The following CSMD1 variants were observed in gnomAD, a reference collection of about 807,000 sequenced individuals.
CSMD1 encodes CUB and Sushi multiple domains 1, also known as CUB and sushi domain-containing protein 1.
In CSMD1, 213 loss-of-function variants were observed where a neutral mutation model predicts 417.5. The observed-to-expected ratio is 0.51, with a 90% confidence interval of 0.46 to 0.57. CSMD1 has a LOEUF of 0.57. Among genes scored for constraint, CSMD1 ranks in the 20% least tolerant of loss-of-function variants. The pLI is 0.00. For missense variants in CSMD1, 6,923 were observed against 4,529.7 expected, an observed-to-expected ratio of 1.53 and a Z score of -15.17; for synonymous variants, 2,862 against 1,736.8, an observed-to-expected ratio of 1.65 and a Z score of -16.11.
At chr8:4,725,552 T>C (rs1380705919) in intron 1 of CSMD1, among the ~76,000 whole-genome samples, 1 of 152,206 alleles carries the variant, frequency 6.6e-6, no homozygotes, top group Admixed American at 6.6e-5. Flanking sequence ...AGGATATTTC[T>C]AGTTTTGAGA....
intron 3 of CSMD1, among the ~76,000 whole-genome samples, chr8:4,268,999 C>G (rs543629451): frequency 9.2e-5 from 14 of 152,116 alleles, no homozygotes; most frequent in Non-Finnish European, 2.1e-4. Context: ...TCTTAATTTC[C>G]TGATTGCAAA....
rs1458407936 is a variant in CSMD1 at position 4,822,713 on chromosome 8, G to C, written c.85+171619C>G. Reference sequence around the variant, plus strand: ...ATATACAATGTTGTCTCTCCTATATGTAAGCTTTCATAAGAATGATTCACT... The same window carrying C: ...ATATACAATGTTGTCTCTCCTATATCTAAGCTTTCATAAGAATGATTCACT... On this transcript the variant is annotated intron_variant, in intron 1 of 69. Coordinates refer to ENST00000635120, the MANE Select transcript of CSMD1 (RefSeq NM_033225.6). Among the ~76,000 whole-genome samples, 4 of 152,130 alleles carry C rather than the reference G, an allele frequency of 2.6e-5. No homozygotes were observed. The South Asian group carries it at 6.2e-4, about 24-fold the overall frequency.
At chr8:3,351,794 TATAC>T (rs970135635) in intron 21 of CSMD1, among the ~76,000 whole-genome samples, 47 of 149,738 alleles carry the variant, frequency 3.1e-4, no homozygotes, top group Admixed American at 1.5e-3. Context: ...ACATGTATAA[TATAC>T]ATACAATGTG....
intron 3 of CSMD1, among the ~76,000 whole-genome samples, chr8:4,247,344 G>A (rs1380278866): frequency 6.6e-6 from 1 of 152,126 alleles, no homozygotes; most frequent in Non-Finnish European, 1.5e-5. Flanking sequence ...ATAGAGTGCT[G>A]CTGGGTGTGG....
At chr8:4,976,004 T>C (rs1235962170) in intron 1 of CSMD1, among the ~76,000 whole-genome samples, 1 of 152,174 alleles carries the variant, frequency 6.6e-6, no homozygotes, top group Non-Finnish European at 1.5e-5. Context: ...ACTCAACCCT[T>C]TCTGGTTTGG....
chr8:3,322,069 A>G (rs189542508), intron 23 of CSMD1, among the ~76,000 whole-genome samples: 1 of 152,322 alleles, frequency 6.6e-6, no homozygotes, highest in Admixed American at 6.5e-5. Context: ...TCCATGGATT[A>G]TTTTACATAA....
intron 7 of CSMD1, among the ~76,000 whole-genome samples, chr8:3,641,905 A>G (rs1340821662): frequency 6.6e-6 from 1 of 152,226 alleles, no homozygotes; most frequent in Non-Finnish European, 1.5e-5. Context: ...ATGTGTGGAA[A>G]CTAATTCTGA....
chr8:3,673,246 C>G (rs1306529629), intron 7 of CSMD1, among the ~76,000 whole-genome samples: 4 of 152,188 alleles, frequency 2.6e-5, no homozygotes, highest in African/African-American at 9.7e-5. Context: ...AAATTCGTTT[C>G]TATTGAACAC....
intron 56 of CSMD1, 46 bp from the exon 57 acceptor site, chr8:2,973,345 T>TAAA (rs772247759): frequency 1.9e-6 from 3 of 1,574,506 alleles, no homozygotes; most frequent in Non-Finnish European, 2.6e-6. Context: ...GTGTTAGACT[T>TAAA]GTTTTAAGCA....
At chr8:4,271,376 T>C (rs1162616568) in intron 3 of CSMD1, among the ~76,000 whole-genome samples, 1 of 151,970 alleles carries the variant, frequency 6.6e-6, no homozygotes, top group Admixed American at 6.6e-5. Flanking sequence ...AATAAATAAA[T>C]AAAAGTTTAA....
chr8:4,447,205 A>T (rs1050849260), intron 2 of CSMD1, among the ~76,000 whole-genome samples: 1 of 152,250 alleles, frequency 6.6e-6, no homozygotes, highest in African/African-American at 2.4e-5. Flanking sequence ...GATAAGGGAA[A>T]ACAAATATAC....
At chr8:3,753,074 T>C (rs747704853) in intron 6 of CSMD1, among the ~76,000 whole-genome samples, 6 of 152,294 alleles carry the variant, frequency 3.9e-5, no homozygotes, top group South Asian at 4.1e-4. Context: ...GAGGATGCTG[T>C]AATTTCTCTG....
chr8:3,345,771 T>A (rs1397748297), intron 22 of CSMD1, among the ~76,000 whole-genome samples: 1 of 152,206 alleles, frequency 6.6e-6, no homozygotes, highest in Non-Finnish European at 1.5e-5. Context: ...GATCACAGAT[T>A]AGAAGACATC....
At chr8:4,411,710 A>ATAT (rs1796657587) in intron 3 of CSMD1, among the ~76,000 whole-genome samples, 1 of 152,214 alleles carries the variant, frequency 6.6e-6, no homozygotes, top group African/African-American at 2.4e-5. Context: ...GAAAGCATAT[A>ATAT]TATATGTGTG....
At chr8:3,072,344 A>T (rs991373078) in intron 49 of CSMD1, among the ~76,000 whole-genome samples, 2 of 152,256 alleles carry the variant, frequency 1.3e-5, no homozygotes, top group Non-Finnish European at 2.9e-5. Flanking sequence ...AATTAGAATC[A>T]ACAATGAAGA....
At chr8:3,549,687 T>A (rs879710178) in intron 10 of CSMD1, among the ~76,000 whole-genome samples, 1 of 152,174 alleles carries the variant, frequency 6.6e-6, no homozygotes, top group Non-Finnish European at 1.5e-5. Context: ...CCTTCAACAC[T>A]GGACGCCGTG....
chr8:4,178,982 C>T (rs749404058), intron 3 of CSMD1, among the ~76,000 whole-genome samples: 30 of 152,046 alleles, frequency 2.0e-4, no homozygotes, highest in East Asian at 7.7e-4. Context: ...GAATCAATAT[C>T]GTGAAAATGG....
intron 5 of CSMD1, among the ~76,000 whole-genome samples, chr8:3,858,321 G>C (rs1804454141): frequency 6.6e-6 from 1 of 152,026 alleles, no homozygotes; most frequent in Non-Finnish European, 1.5e-5. Context: ...AACTTCAAAG[G>C]CTCTTCTTTT....
intron 2 of CSMD1, among the ~76,000 whole-genome samples, chr8:4,440,766 C>T (rs181427408): frequency 2.6e-4 from 40 of 152,096 alleles, no homozygotes; most frequent in African/African-American, 8.7e-4. Flanking sequence ...GAGGCCAGTG[C>T]GAGCAGATCA....
Sources: gnomAD v4.1 joint callset for allele counts (sites outside exome capture counted in the v4.1 genomes callset) on GRCh38, gnomAD v4.1.1 for gene constraint, MANE v1.5 for transcripts, NCBI Gene and HGNC (gene_info 2026-07-23, HGNC 2026-07-21) for gene names.